FBXW10B: variants seen among roughly 807,000 people sequenced by gnomAD.
FBXW10B encodes the protein F-box and WD repeat domain containing protein 10B.
At chr17:15,572,262 C>T in the FBXW10B span, 8 of 152,148 alleles carry the variant, frequency 5.3e-5, no homozygotes, top group Admixed American at 2.0e-4. Context: ...CAAAGCCTAG[C>T]TCCTCCGCCT....
At chr17:15,580,981 A>C in the FBXW10B span, among the ~76,000 whole-genome samples, 24 of 152,268 alleles carry the variant, frequency 1.6e-4, no homozygotes, top group African/African-American at 5.5e-4. Flanking sequence ...CAACAGATTA[A>C]ATAATTTGCT....
the FBXW10B span, among the ~76,000 whole-genome samples, chr17:15,597,463 TA>T: frequency 2.0e-3 from 242 of 121,238 alleles, 1 homozygote; most frequent in Admixed American, 1.7e-3. Flanking sequence ...CCGTCTCTAC[TA>T]AAAAAAAAAA....
At chr17:15,587,091 T>C in the FBXW10B span, among the ~76,000 whole-genome samples, 1 of 151,556 alleles carries the variant, frequency 6.6e-6, no homozygotes, top group Non-Finnish European at 1.5e-5. Context: ...ACCCGCACTG[T>C]TAAACCATCC....
At chr17:15,567,627 G>A in the FBXW10B span, among the ~76,000 whole-genome samples, 10 of 152,134 alleles carry the variant, frequency 6.6e-5, no homozygotes, top group East Asian at 1.9e-4. Flanking sequence ...CCTGGATTTG[G>A]AGGTTACAGT....
the FBXW10B span, among the ~76,000 whole-genome samples, chr17:15,580,214 C>T: frequency 6.6e-6 from 1 of 152,104 alleles, no homozygotes. Context: ...TGACCACCCC[C>T]ATCAAATAGT....
chr17:15,585,946 T>C, the FBXW10B span, among the ~76,000 whole-genome samples: 36 of 149,700 alleles, frequency 2.4e-4, no homozygotes, highest in African/African-American at 8.3e-4. Flanking sequence ...TTTTCTTCTT[T>C]TTTTTTTTTT....
chr17:15,593,095 T>C, the FBXW10B span, among the ~76,000 whole-genome samples: 1 of 141,022 alleles, frequency 7.1e-6, no homozygotes, highest in Non-Finnish European at 1.5e-5. Flanking sequence ...AGAGTGAAAC[T>C]ATGTCTCAAA....
At chr17:15,589,315 G>GAA in the FBXW10B span, 4 of 1,506,816 alleles carry the variant, frequency 2.7e-6, no homozygotes, top group African/African-American at 5.6e-5. Flanking sequence ...ATGTCTGGGA[G>GAA]AAAAAAAAGG....
the FBXW10B span, chr17:15,615,816 C>CCAAG: frequency 6.2e-7 from 1 of 1,613,634 alleles, no homozygotes; most frequent in Non-Finnish European, 8.5e-7. Flanking sequence ...AGCCCTGAAA[C>CCAAG]ACAGAAGACC....
the FBXW10B span, among the ~76,000 whole-genome samples, chr17:15,608,749 C>G: frequency 3.3e-5 from 5 of 152,218 alleles, no homozygotes; most frequent in Non-Finnish European, 7.3e-5. Context: ...CCACCACGAC[C>G]AGCCTGCATT....
chr17:15,616,740 C>T, the FBXW10B span, among the ~76,000 whole-genome samples: 17,189 of 143,132 alleles, frequency 0.12, 2,179 homozygotes, highest in African/African-American at 0.33. Context: ...ACCCGGGAGG[C>T]GGAGCTTGCA....
At chr17:15,611,995 G>A in the FBXW10B span, among the ~76,000 whole-genome samples, 15 of 152,174 alleles carry the variant, frequency 9.9e-5, no homozygotes, top group Admixed American at 9.8e-4. Context: ...ACCAGCCCTG[G>A]CCCTCCCCTC....
the FBXW10B span, among the ~76,000 whole-genome samples, chr17:15,569,507 G>C: frequency 7.5e-5 from 9 of 119,662 alleles, no homozygotes; most frequent in Non-Finnish European, 1.3e-4. Context: ...TGTTACTTAG[G>C]CTGGAATGCA....
the FBXW10B span, chr17:15,598,492 G>A: frequency 1.1e-5 from 17 of 1,613,178 alleles, no homozygotes; most frequent in African/African-American, 4.0e-5. Flanking sequence ...CTGTGGGTCG[G>A]GGGAAACTTC....
the FBXW10B span, among the ~76,000 whole-genome samples, chr17:15,604,204 C>A: frequency 6.6e-6 from 1 of 151,942 alleles, no homozygotes; most frequent in East Asian, 1.9e-4. Flanking sequence ...ATTACTGCCA[C>A]CTGCATCATA....
chr17:15,576,666 T>C, the FBXW10B span, among the ~76,000 whole-genome samples: 1 of 152,158 alleles, frequency 6.6e-6, no homozygotes, highest in African/African-American at 2.4e-5. Context: ...CATTAGTTTT[T>C]CCAACTTAAT....
At chr17:15,615,144 C>G in the FBXW10B span, among the ~76,000 whole-genome samples, 1 of 151,184 alleles carries the variant, frequency 6.6e-6, no homozygotes, top group African/African-American at 2.4e-5. Flanking sequence ...AATCCTTGCT[C>G]CTCCCCTTAC....
the FBXW10B span, among the ~76,000 whole-genome samples, chr17:15,589,959 A>G: frequency 5.4e-4 from 82 of 152,208 alleles, no homozygotes; most frequent in African/African-American, 1.7e-3. Flanking sequence ...ATGAATCTAC[A>G]AATACCATAT....
At chr17:15,612,704 C>G in the FBXW10B span, 18 of 1,613,902 alleles carry the variant, frequency 1.1e-5, no homozygotes, top group Non-Finnish European at 1.4e-5. Context: ...AACCCACCTT[C>G]GTTCTCAACT....
Sources: allele counts gnomAD v4.1 joint callset (sites outside exome capture counted in the v4.1 genomes callset), GRCh38; gene constraint gnomAD v4.1.1; transcripts MANE v1.5; gene names NCBI Gene and HGNC (gene_info 2026-07-23, HGNC 2026-07-21).